PCED1B: variants seen among roughly 807,000 people sequenced by gnomAD.
PCED1B encodes the protein PC-esterase domain containing 1B.
For synonymous variants in PCED1B, 251 were observed against 246.1 expected, an observed-to-expected ratio of 1.02 and a Z score of -0.19; for missense variants, 573 against 573.9, an observed-to-expected ratio of 1.00 and a Z score of 0.02.
At chr12:47,089,705 CA>C (rs1376788697) in intron 1 of PCED1B, among the ~76,000 whole-genome samples, 2 of 151,550 alleles carry the variant, frequency 1.3e-5, no homozygotes, top group Non-Finnish European at 2.9e-5. Context: ...CCAATAAGAC[CA>C]AATATTTAGA....
At chr12:47,189,392 A>G (rs1303136999) in intron 2 of PCED1B, among the ~76,000 whole-genome samples, 1 of 152,194 alleles carries the variant, frequency 6.6e-6, no homozygotes, top group Non-Finnish European at 1.5e-5. Flanking sequence ...TTGTGCCGTG[A>G]ATGGAGAGGT....
intron 2 of PCED1B, among the ~76,000 whole-genome samples, chr12:47,115,642 A>G (rs1037185810): frequency 6.6e-6 from 1 of 152,180 alleles, no homozygotes; most frequent in Admixed American, 6.5e-5. Context: ...TTGCTGTTTT[A>G]AAAAGGTGAT....
intron 2 of PCED1B, among the ~76,000 whole-genome samples, chr12:47,164,949 G>T (rs1365901992): frequency 2.6e-5 from 4 of 152,206 alleles, no homozygotes; most frequent in Non-Finnish European, 5.9e-5. Context: ...TGCCTATGGG[G>T]AATAGTTGGA....
At chr12:47,156,824 T>C (rs1480282946) in intron 2 of PCED1B, among the ~76,000 whole-genome samples, 2 of 152,108 alleles carry the variant, frequency 1.3e-5, no homozygotes, top group African/African-American at 4.8e-5. Context: ...CTGCCTGAGT[T>C]TGAAGCTCTC....
chr12:47,099,092 A>C (rs1056330227), intron 1 of PCED1B, among the ~76,000 whole-genome samples: 1 of 152,220 alleles, frequency 6.6e-6, no homozygotes, highest in African/African-American at 2.4e-5. Context: ...CAGGTGCTTC[A>C]GTTTGGCCCT....
At chr12:47,125,366 T>C (rs570685948) in intron 2 of PCED1B, among the ~76,000 whole-genome samples, 1 of 152,060 alleles carries the variant, frequency 6.6e-6, no homozygotes, top group South Asian at 2.1e-4. Context: ...TTCTGTTCTA[T>C]TGATTTATTT....
At chr12:47,099,113 A>G (rs895870625) in intron 1 of PCED1B, among the ~76,000 whole-genome samples, 69 of 152,252 alleles carry the variant, frequency 4.5e-4, no homozygotes, top group African/African-American at 1.6e-3. Context: ...TCTCGCTCCT[A>G]TCAAGAAAGA....
intron 2 of PCED1B, among the ~76,000 whole-genome samples, chr12:47,186,611 T>C (rs1272650818): frequency 6.6e-6 from 1 of 152,096 alleles, no homozygotes. Flanking sequence ...CAGAGTGGCA[T>C]ATTGTGGGGT....
intron 2 of PCED1B, among the ~76,000 whole-genome samples, chr12:47,132,459 G>A (rs966058358): frequency 2.0e-5 from 3 of 152,090 alleles, no homozygotes; most frequent in African/African-American, 4.8e-5. Context: ...GGAATTAAAC[G>A]GCTTGCACTT....
intron 2 of PCED1B, among the ~76,000 whole-genome samples, chr12:47,212,962 G>A (rs1010625160): frequency 5.3e-5 from 8 of 152,202 alleles, no homozygotes; most frequent in African/African-American, 1.9e-4. Flanking sequence ...TACAGAACTT[G>A]CATAAAACAT....
rs114822905 is a variant in PCED1B at position 47,188,141 on chromosome 12, C to T, written c.-525-28081C>T. Among the ~76,000 whole-genome samples the T allele has an allele frequency of 7.0e-3, 1,064 of 152,238 alleles. 13 individuals are homozygous for T. Among genetic ancestry groups the T allele is most frequent in the African/African-American group, 0.024 (987 of 41,528 alleles). The stretch of plus-strand genomic sequence containing the variant: ...TTTGTGGCTTTTAAAAATTACATGT[C>T]TTATCTCCCCTTACTAAGGACTTTG... On this transcript the variant is annotated intron_variant, in intron 2 of 3. Coordinates refer to ENST00000546455, the MANE Select transcript of PCED1B (RefSeq NM_138371.3).
chr12:47,113,381 C>A (rs1565754781), intron 2 of PCED1B, among the ~76,000 whole-genome samples: 1 of 152,144 alleles, frequency 6.6e-6, no homozygotes, highest in Non-Finnish European at 1.5e-5. Flanking sequence ...TGATTTAGTT[C>A]AATCTTCACA....
At chr12:47,221,149 A>G (rs11834618) in intron 3 of PCED1B, among the ~76,000 whole-genome samples, 113 of 152,282 alleles carry the variant, frequency 7.4e-4, no homozygotes, top group African/African-American at 2.6e-3. Flanking sequence ...GTTTTAATCA[A>G]AGACACACTT....
chr12:47,190,105 T>C (rs1942396401), intron 2 of PCED1B, among the ~76,000 whole-genome samples: 1 of 152,224 alleles, frequency 6.6e-6, no homozygotes, highest in Non-Finnish European at 1.5e-5. Context: ...ATGTTAATAC[T>C]CTATTTGCAT....
chr12:47,107,870 A>G (rs1489831079), intron 2 of PCED1B, among the ~76,000 whole-genome samples: 3 of 152,230 alleles, frequency 2.0e-5, no homozygotes, highest in Non-Finnish European at 4.4e-5. Flanking sequence ...TAAGACTCCT[A>G]AACCAGAAAA....
chr12:47,215,863 TGGCC>T (rs757277046), intron 2 of PCED1B, among the ~76,000 whole-genome samples: 8,453 of 151,480 alleles, frequency 0.056, 270 homozygotes, highest in African/African-American at 0.095. Flanking sequence ...GAGACCAGAC[TGGCC>T]AACATGGTGA....
chr12:47,130,213 A>G (rs1178173184), intron 2 of PCED1B, among the ~76,000 whole-genome samples: 2 of 152,244 alleles, frequency 1.3e-5, no homozygotes, highest in African/African-American at 4.8e-5. Context: ...TAATACACAC[A>G]ATAAAATAAA....
chr12:47,095,940 CTTTATA>C (rs927921790), intron 1 of PCED1B, among the ~76,000 whole-genome samples: 1 of 152,070 alleles, frequency 6.6e-6, no homozygotes, highest in African/African-American at 2.4e-5. Flanking sequence ...GTCTCAGGTA[CTTTATA>C]TTTAGTGTTT....
At chr12:47,098,538 A>G (rs1938573117) in intron 1 of PCED1B, among the ~76,000 whole-genome samples, 1 of 152,178 alleles carries the variant, frequency 6.6e-6, no homozygotes, top group Non-Finnish European at 1.5e-5. Context: ...GCTGGAGTGC[A>G]GTGGCACAAT....
Sources: gnomAD v4.1 joint callset for allele counts (sites outside exome capture counted in the v4.1 genomes callset) on GRCh38, gnomAD v4.1.1 for gene constraint, MANE v1.5 for transcripts, NCBI Gene and HGNC (gene_info 2026-07-23, HGNC 2026-07-21) for gene names.